The following ZNF284 variants were observed in gnomAD, a reference collection of about 807,000 sequenced individuals.
ZNF284 encodes zinc finger protein 284.
ZNF284 carries 12 observed loss-of-function variants against 12.9 expected under a neutral mutation model. The observed-to-expected ratio is 0.93, with a 90% confidence interval of 0.60 to 1.51. The LOEUF (loss-of-function observed/expected upper bound fraction) is 1.51, where lower values mean the gene tolerates loss of function less well. Ranked by LOEUF, ZNF284 falls within the 40% of genes most tolerant of loss-of-function variation. The probability of loss-of-function intolerance (pLI) is 0.00; values close to 1 mark genes in which losing one functional copy is unlikely to be tolerated. For missense variants in ZNF284, 667 were observed against 707.3 expected, an observed-to-expected ratio of 0.94 and a Z score of 0.65; for synonymous variants, 225 against 236.5, an observed-to-expected ratio of 0.95 and a Z score of 0.45.
chr19:44,086,490 A>T lies in ZNF284; in HGVS notation c.1012A>T (p.Thr338Ser). The T allele has an allele frequency of 6.2e-7, 1 of 1,614,222 alleles. No homozygotes were observed. Among genetic ancestry groups the T allele is most frequent in the Non-Finnish European group, 8.5e-7 (1 of 1,180,040 alleles). The change falls in exon 5 of 5, where the codon ACA becomes TCA. Residue 338 changes from threonine (T) to serine (S), a missense_variant. Transcript: ENST00000421176. The part of the protein sequence containing the change: ...SALNSHCMDH[T>S]KEKLYKCEEC... ...ACTTAATAGTCATTGCATGGACCAC[A>T]CAAAAGAGAAACTATACAAATGTGA...
chr19:44,087,350 C>T lies in ZNF284; in HGVS notation c.*90C>T. ...TCAGTGTTATTAGCATATCCATCAC[C>T]TCCTTTATCATTTATTTGTGGATCA... On this transcript the variant is annotated 3_prime_UTR_variant, in exon 5 of 5. Coordinates refer to ENST00000421176, the MANE Select transcript of ZNF284 (RefSeq NM_001037813.4). The T allele has an allele frequency of 1.0e-6, 1 of 963,554 alleles. No homozygotes were observed. The highest frequency in any genetic ancestry group is 1.5e-6 in the Non-Finnish European group (1 of 686,174). 59.7% of individuals were successfully genotyped at this position (963,554 alleles called of 1,614,324 possible). A position where few individuals can be genotyped will look rare whatever the true frequency, so the allele number is the denominator to read the frequency against.
At chr19:44,077,874 T>C (rs1288552127) in intron 2 of ZNF284, among the ~76,000 whole-genome samples, 1 of 152,116 alleles carries the variant, frequency 6.6e-6, no homozygotes, top group Non-Finnish European at 1.5e-5. Flanking sequence ...ACTGGTGACA[T>C]AGCTCCTCCC....
At chr19:44,082,179 C>A in intron 4 of ZNF284, 74 bp downstream of exon 4, 1 of 1,252,294 alleles carries the variant, frequency 8.0e-7, no homozygotes, top group Non-Finnish European at 1.1e-6. Flanking sequence ...TGCCCAACTC[C>A]ATTGCCCTGG....
At chr19:44,078,612 C>T (rs1443022441) in intron 2 of ZNF284, among the ~76,000 whole-genome samples, 1 of 152,068 alleles carries the variant, frequency 6.6e-6, no homozygotes, top group Non-Finnish European at 1.5e-5. Context: ...CGGGCACGCA[C>T]CACGATGCCT....
At chr19:44,083,472 TATAG>T (rs1484946875) in intron 4 of ZNF284, among the ~76,000 whole-genome samples, 37 of 64,608 alleles carry the variant, frequency 5.7e-4, no homozygotes, top group African/African-American at 1.5e-3. Context: ...TATATATATA[TATAG>T]AGAGAGAGAG....
At chr19:44,080,121 G>A (rs1282592278) in intron 2 of ZNF284, among the ~76,000 whole-genome samples, 2 of 152,342 alleles carry the variant, frequency 1.3e-5, no homozygotes, top group East Asian at 1.9e-4. Context: ...CAAAGGCACA[G>A]AGCCTTGGGA....
chr19:44,086,465 A>C lies in ZNF284; in HGVS notation c.987A>C (p.Ala329=). 6.2e-7 allele frequency: 1 copy of C among 1,614,190 alleles called. No individual in the cohort carries two copies. Among genetic ancestry groups the C allele is most frequent in the South Asian group, 1.1e-5 (1 of 91,086 alleles). Residue 329 remains alanine, a synonymous_variant, in exon 5 of 5, where the codon GCA becomes GCC. Transcript: ENST00000421176. ...GTAATAGCTTTGGTCAGAGATCAGC[A>C]CTTAATAGTCATTGCATGGACCACA... ...TCSNSFGQRS[A]LNSHCMDHTK...
chr19:44,084,602 A>G (rs1967195067), intron 4 of ZNF284, among the ~76,000 whole-genome samples: 1 of 152,092 alleles, frequency 6.6e-6, no homozygotes, highest in South Asian at 2.1e-4. Context: ...GTCCCTTTGT[A>G]CTGTACTGGG....
rs749402780 is a variant in ZNF284, at chr19:44,086,204, T to G, written c.726T>G (p.Arg242=). The change falls in exon 5 of 5, where the codon CGT becomes CGG. Residue 242 remains arginine, a synonymous_variant. Transcript: ENST00000421176. The stretch of plus-strand genomic sequence containing the variant: ...AGCAGTGTGGGAAAAGTTTCAGCCG[T>G]AGATCAGGAATGTATGTTCATTGCA... ...KCEQCGKSFS[R]RSGMYVHCKL... 4 of 1,614,026 alleles carry G rather than the reference T, an allele frequency of 2.5e-6. No individual in the cohort carries two copies. The African/African-American group carries it at 5.3e-5, about 22-fold the overall frequency.
At chr19:44,077,031 G>A (rs1967041019) in intron 2 of ZNF284, among the ~76,000 whole-genome samples, 1 of 152,122 alleles carries the variant, frequency 6.6e-6, no homozygotes, top group South Asian at 2.1e-4. Flanking sequence ...TGTTGGCCAG[G>A]CTGGTCTTGA....
At chr19:44,073,150 G>T (rs2147490648) in intron 1 of ZNF284, among the ~76,000 whole-genome samples, 1 of 152,366 alleles carries the variant, frequency 6.6e-6, no homozygotes, top group South Asian at 2.1e-4. Flanking sequence ...AGATGAGTGA[G>T]ATACAAAGGA....
Position 44,076,312 on chromosome 19 carries a change from C to A in ZNF284, c.-68-10C>A. On this transcript the variant is annotated splice_polypyrimidine_tract_variant and intron_variant, in intron 1 of 4. Coordinates refer to ENST00000421176, the MANE Select transcript of ZNF284 (RefSeq NM_001037813.4). ...CTTTTTTTTTTTTTGCCTTCCATGG[C>A]ATGTTTCAGGCACAATTCTGTCTTC... The A allele has an allele frequency of 7.0e-7, 1 of 1,427,890 alleles. No individual in the cohort carries two copies. The highest frequency in any genetic ancestry group is 9.6e-7 in the Non-Finnish European group (1 of 1,042,646). The allele number at this position is 1,427,890 out of a possible 1,614,324, so 88.5% of individuals were successfully genotyped here. A position where few individuals can be genotyped will look rare whatever the true frequency, so the allele number is the denominator to read the frequency against.
chr19:44,083,329 G>C (rs944682565), intron 4 of ZNF284, among the ~76,000 whole-genome samples: 15 of 151,544 alleles, frequency 9.9e-5, no homozygotes, highest in African/African-American at 3.6e-4. Context: ...AGCTACTCGG[G>C]TGGCTGAGGC....
intron 2 of ZNF284, among the ~76,000 whole-genome samples, chr19:44,079,561 T>A (rs1251621136): frequency 6.6e-6 from 1 of 150,948 alleles, no homozygotes; most frequent in Admixed American, 6.6e-5. Context: ...TACAAAACAT[T>A]AGCCGGGTGT....
At chr19:44,078,508 G>T (rs984056360) in intron 2 of ZNF284, among the ~76,000 whole-genome samples, 1 of 152,030 alleles carries the variant, frequency 6.6e-6, no homozygotes, top group Admixed American at 6.6e-5. Context: ...CTGTTGCCTC[G>T]GATAGAGTAC....
intron 4 of ZNF284, among the ~76,000 whole-genome samples, chr19:44,084,078 C>A (rs890680152): frequency 1.3e-5 from 2 of 152,184 alleles, no homozygotes; most frequent in African/African-American, 4.8e-5. Context: ...GTGATCTCAA[C>A]AGCCCCAGGT....
Position 44,085,786 on chromosome 19 carries a change from T to C in ZNF284, c.308T>C (p.Ile103Thr). The change falls in exon 5 of 5, where the codon ATC (isoleucine) becomes ACC (threonine). Residue 103 changes from isoleucine (I) to threonine (T), a missense_variant. By Grantham distance (89) the Ile-to-Thr change is moderately conservative (BLOSUM62 -1). Transcript: ENST00000421176. ...GPHEEWSCQQ[I>T]WEQTASELTR... ...CATGAAGAGTGGTCTTGCCAGCAAATCTGGGAACAAACTGCAAGTGAGTTA... is the reference window on the plus strand; with the variant it reads ...CATGAAGAGTGGTCTTGCCAGCAAACCTGGGAACAAACTGCAAGTGAGTTA... The C allele has an allele frequency of 6.2e-7, 1 of 1,614,172 alleles. No homozygotes were observed. Among genetic ancestry groups the C allele is most frequent in the Non-Finnish European group, 8.5e-7 (1 of 1,180,026 alleles).
rs1306913798 is a variant in ZNF284, at chr19:44,086,780, G to A, written c.1302G>A (p.Lys434=). Residue 434 remains lysine (K), a synonymous_variant, in exon 5 of 5, where the codon AAG becomes AAA. Transcript: ENST00000421176. ...EELYKCQKCG[K]GYISKFNLDL... ...TGTATAAATGTCAGAAGTGTGGGAA[G>A]GGCTACATTAGTAAGTTTAATCTTG... The A allele has an allele frequency of 6.2e-7, 1 of 1,614,156 alleles. No individual in the cohort carries two copies. Among genetic ancestry groups the A allele is most frequent in the Non-Finnish European group, 8.5e-7 (1 of 1,180,036 alleles).
chr19:44,085,864 T>A lies in ZNF284; in HGVS notation c.386T>A (p.Val129Asp). ...SSSQFSTQGDVPSQVDAGLSI... is the reference protein window; with the variant it reads ...SSSQFSTQGDDPSQVDAGLSI... ...TCTCAGTTCTCCACACAAGGTGATG[T>A]CCCCTCCCAGGTTGACGCAGGACTA... The change falls in exon 5 of 5, where the codon GTC becomes GAC. Residue 129 changes from valine (V) to aspartate (D), a missense_variant. Val to Asp is a radical substitution (Grantham distance 152). Coordinates refer to ENST00000421176, the MANE Select transcript of ZNF284 (RefSeq NM_001037813.4). 1 of 1,614,112 alleles carries A rather than the reference T, an allele frequency of 6.2e-7. No homozygotes were observed. The highest frequency in any genetic ancestry group is 8.5e-7 in the Non-Finnish European group (1 of 1,179,994).
Sources: gnomAD v4.1 joint callset for allele counts (sites outside exome capture counted in the v4.1 genomes callset) on GRCh38, gnomAD v4.1.1 for gene constraint, MANE v1.5 for transcripts, NCBI Gene and HGNC (gene_info 2026-07-23, HGNC 2026-07-21) for gene names.